Variants in PPP1R11 observed in about 807,000 individuals in gnomAD.
PPP1R11 encodes protein phosphatase 1 regulatory inhibitor subunit 11.
In PPP1R11, 10 loss-of-function variants were observed where a neutral mutation model predicts 11.3. The ratio of observed to expected loss-of-function variants is 0.88; its 90% CI spans 0.55 to 1.50. The LOEUF is 1.50. Ranked by LOEUF, PPP1R11 falls within the 40% of genes most tolerant of loss-of-function variation. The pLI, the probability that PPP1R11 is intolerant of heterozygous loss-of-function variation, is 0.00. For missense variants in PPP1R11, 114 were observed against 179.1 expected, an observed-to-expected ratio of 0.64 and a Z score of 2.07; for synonymous variants, 56 against 62.3, an observed-to-expected ratio of 0.90 and a Z score of 0.48.
At position 30,068,661 on chromosome 6, in the gene PPP1R11, T is replaced by A. The variant is rs773750045; in HGVS notation, c.141T>A (p.Thr47=). The A allele has an allele frequency of 1.9e-6, 3 of 1,613,012 alleles. No individual in the cohort carries two copies. The highest frequency in any genetic ancestry group is 2.5e-6 in the Non-Finnish European group (3 of 1,179,994). The stretch of plus-strand genomic sequence containing the variant: ...AAAAGGTAGAATGGACAAGTGACAC[T>A]GTGGACAATGAACACATGGGCCGCC... The part of the protein sequence containing the change: ...PEKKVEWTSD[T]VDNEHMGRRS... Residue 47 remains threonine, a synonymous_variant, in exon 2 of 3, where the codon ACT becomes ACA. Coordinates refer to ENST00000376772, the MANE Select transcript of PPP1R11 (RefSeq NM_021959.3).
Position 30,067,417 on chromosome 6 carries a change from G to A in PPP1R11, c.7G>A (p.Glu3Lys), listed in dbSNP as rs957360927. 4.3e-6 allele frequency: 7 copies of A among 1,613,924 alleles called. No homozygotes were observed. Among genetic ancestry groups the A allele is most frequent in the Non-Finnish European group, 4.2e-6 (5 of 1,179,916 alleles). MA[E>K]AGAGLSETVT... ...CCTGTCCTGAGCCTTAGCCATGGCC[G>A]AGGCAGGGGCTGGGCTGAGCGAGAC... is the stretch of plus-strand genomic sequence containing the variant. The change falls in exon 1 of 3, where the codon GAG becomes AAG. Residue 3 changes from glutamate to lysine, a missense_variant. Transcript: ENST00000376772.
At chr6:30,067,176 A>T (rs1765600142), upstream of PPP1R11, 1 of 449,266 alleles carries the variant, frequency 2.2e-6, no homozygotes, top group African/African-American at 2.0e-5. Flanking sequence ...CGTGGAAGGG[A>T]AAAAGGGGGA....
chr6:30,064,858 C>T (rs934714857), upstream of PPP1R11: 8 of 473,424 alleles, frequency 1.7e-5, no homozygotes, highest in Non-Finnish European at 2.9e-5. Flanking sequence ...AGTACTCCTA[C>T]CCTTAGTTGA....
rs1765710820 is a variant in PPP1R11 at position 30,068,671 on chromosome 6, G to GAAC, written c.153_155dup (p.Glu51_His52insGln). 6.2e-7 allele frequency: 1 copy of GAAC among 1,612,864 alleles called. No homozygotes were observed. The highest frequency in any genetic ancestry group is 1.7e-5 in the Admixed American group (1 of 59,986). ...ATGGACAAGTGACACTGTGGACAAT[G>GAAC]AACACATGGGCCGCCGCTCATCCAA... On this transcript the variant is annotated inframe_insertion, in exon 2 of 3. Coordinates refer to ENST00000376772, the MANE Select transcript of PPP1R11 (RefSeq NM_021959.3).
the PPP1R11 span, chr6:30,061,596 C>G: frequency 6.8e-6 from 11 of 1,613,090 alleles, no homozygotes; most frequent in Admixed American, 5.0e-5. The surrounding 1 kb of genome is among the most constrained non-coding windows in gnomAD (Gnocchi z 5.0). Context: ...CAGATTGCGG[C>G]TCGGTCCTGC....
upstream of PPP1R11, chr6:30,061,927 G>GA (rs1437892541): frequency 9.9e-6 from 16 of 1,613,122 alleles, no homozygotes; most frequent in Non-Finnish European, 1.0e-5. This position sits in a 1 kb window ranked among gnomAD's most constrained non-coding sequence, Gnocchi z 5.0. Flanking sequence ...ACTTTGAGGG[G>GA]AAGGTTGTGA....
intron 1 of PPP1R11, chr6:30,067,763 G>T: frequency 2.5e-6 from 1 of 403,174 alleles, no homozygotes; most frequent in Non-Finnish European, 4.4e-6. Context: ...GGGAAATTGA[G>T]GATTAAGGAG....
In PPP1R11 at chr6:30,068,582, CCTT is replaced by C. The variant is rs1387554693; in HGVS notation, c.70-5_70-3del. ...ACTAGATAGGTATGCTCATCCTTAA[CCTT>C]CTAGGAGAACCGGAGCCTTACCATC... is the stretch of plus-strand genomic sequence containing the variant. On this transcript the variant is annotated splice_region_variant and splice_polypyrimidine_tract_variant and intron_variant, in intron 1 of 2. Transcript: ENST00000376772. The C allele has an allele frequency of 1.9e-6, 3 of 1,609,928 alleles. No homozygotes were observed. The highest frequency in any genetic ancestry group is 2.5e-6 in the Non-Finnish European group (3 of 1,178,284).
Position 30,069,576 on chromosome 6 carries a change from C to T in PPP1R11, c.*270C>T, listed in dbSNP as rs9261288. On this transcript the variant is annotated 3_prime_UTR_variant, in exon 3 of 3. Transcript: ENST00000376772. This position sits in a 1 kb window ranked among gnomAD's most constrained non-coding sequence, Gnocchi z 6.6. ...AGTGTCTTCCTTTTGTTCTCACTGCCAAACTGCCTGTCCTGGGATCTAGTT... is the reference window on the plus strand; with the variant it reads ...AGTGTCTTCCTTTTGTTCTCACTGCTAAACTGCCTGTCCTGGGATCTAGTT... The T allele has an allele frequency of 0.033, 13,258 of 404,088 alleles. 254 individuals carry two copies. The highest frequency in any genetic ancestry group is 0.05 in the Middle Eastern group (80 of 1,616). The allele number at this position is 404,088 out of a possible 1,614,324, so 25.0% of individuals were successfully genotyped here. A position where few individuals can be genotyped will look rare whatever the true frequency, so the allele number is the denominator to read the frequency against.
chr6:30,064,558 C>A, upstream of PPP1R11: 1 of 880,422 alleles, frequency 1.1e-6, no homozygotes, highest in Non-Finnish European at 1.7e-6. Flanking sequence ...GGGAGCCAGT[C>A]CTCAATGATG....
chr6:30,061,985 G>A (rs1448771551), upstream of PPP1R11: 1 of 1,613,132 alleles, frequency 6.2e-7, no homozygotes, highest in Non-Finnish European at 8.5e-7. The surrounding 1 kb of genome is among the most constrained non-coding windows in gnomAD (Gnocchi z 5.0). Flanking sequence ...GCCTATGTCG[G>A]TGGAGGAAGG....
upstream of PPP1R11, chr6:30,067,032 ACT>A: frequency 4.2e-6 from 1 of 235,446 alleles, no homozygotes; most frequent in Non-Finnish European, 8.5e-6. Context: ...GCTGCCCCAG[ACT>A]CTCCCTCCTC....
At chr6:30,064,588 C>A, upstream of PPP1R11, 1 of 1,291,364 alleles carries the variant, frequency 7.7e-7, no homozygotes, top group Non-Finnish European at 1.1e-6. Flanking sequence ...AAAGTCCTTC[C>A]TTGATTATTT....
At chr6:30,067,627 T>C in intron 1 of PPP1R11, 148 bp downstream of exon 1, 3 of 994,880 alleles carry the variant, frequency 3.0e-6, no homozygotes, top group Non-Finnish European at 4.5e-6. Flanking sequence ...AATCGGAAGG[T>C]ATTGGAGCTA....
At chr6:30,066,431 C>G (rs891701951), upstream of PPP1R11, among the ~76,000 whole-genome samples, 100 of 152,342 alleles carry the variant, frequency 6.6e-4, no homozygotes, top group African/African-American at 2.3e-3. Context: ...ATAGCCTATA[C>G]TGTAATTTAC....
chr6:30,062,714 C>CCTTTTTTTTTTTT (rs749507630), upstream of PPP1R11, among the ~76,000 whole-genome samples: 63 of 42,390 alleles, frequency 1.5e-3, 6 homozygotes, highest in South Asian at 5.4e-3. Context: ...CCACGCCTGG[C>CCTTTTTTTTTTTT]TTTTTTTTTT....
Position 30,069,440 on chromosome 6 carries a change from A to C in PPP1R11, c.*134A>C. 1.3e-6 allele frequency: 1 copy of C among 752,594 alleles called. No homozygotes were observed. The highest frequency in any genetic ancestry group is 2.0e-6 in the Non-Finnish European group (1 of 493,724). The allele number at this position is 752,594 out of a possible 1,614,324, so 46.6% of individuals were successfully genotyped here. On this transcript the variant is annotated 3_prime_UTR_variant, in exon 3 of 3. Coordinates refer to ENST00000376772, the MANE Select transcript of PPP1R11 (RefSeq NM_021959.3). The surrounding 1 kb of genome is among the most constrained non-coding windows in gnomAD (Gnocchi z 6.6). ...AAGAGGAGGACGAACAGAGATCCTG[A>C]AATTCTGACTTGCTGCTATTCCAGA...
At chr6:30,064,060 C>T (rs1474589869), upstream of PPP1R11, among the ~76,000 whole-genome samples, 1 of 152,106 alleles carries the variant, frequency 6.6e-6, no homozygotes, top group African/African-American at 2.4e-5. Context: ...TCCCTCATTT[C>T]CTATGCTTCC....
chr6:30,067,496 G>C lies in PPP1R11; in HGVS notation c.69+17G>C, dbSNP rs768836159. 5 of 1,612,240 alleles carry C rather than the reference G, an allele frequency of 3.1e-6. No homozygotes were observed. The highest frequency in any genetic ancestry group is 4.2e-6 in the Non-Finnish European group (5 of 1,178,244). On this transcript the variant is annotated intron_variant, in intron 1 of 2. Coordinates refer to ENST00000376772, the MANE Select transcript of PPP1R11 (RefSeq NM_021959.3). ...ACCGAGCCCGTGAGAAAGGCGGGGG[G>C]GCGGTGCTGTTTAGGGGTCTGGGAG...
Sources: gnomAD v4.1 joint callset for allele counts (sites outside exome capture counted in the v4.1 genomes callset) on GRCh38, gnomAD v4.1.1 for gene constraint, Gnocchi (gnomAD v3.1) non-coding constraint, MANE v1.5 for transcripts, NCBI Gene and HGNC (gene_info 2026-07-23, HGNC 2026-07-21) for gene names.